RBM20: variants seen among roughly 807,000 people sequenced by gnomAD.
The protein encoded by RBM20 is RNA-binding protein 20.
In RBM20, 51 loss-of-function variants were observed where a neutral mutation model predicts 110.1. That is an observed-to-expected ratio of 0.46 (90% CI 0.37 to 0.59). The LOEUF (loss-of-function observed/expected upper bound fraction) is 0.59. Ranked by LOEUF, RBM20 falls within the 20% of genes least tolerant of loss-of-function variation. The probability of loss-of-function intolerance (pLI) is 0.00; values close to 1 mark genes in which losing one functional copy is unlikely to be tolerated. For missense variants in RBM20, 1,512 were observed against 1,574.9 expected (o/e 0.96, Z 0.68); for synonymous variants, 589 against 618.2 (o/e 0.95, Z 0.70).
At position 110,668,504 on chromosome 10, in the gene RBM20, G is replaced by A. The variant is rs561062904; in HGVS notation, c.191+23859G>A. On this transcript the variant is annotated intron_variant, in intron 1 of 13. Transcript: ENST00000369519. ...TAGAAGCAGCGACTTGGGTTGAAGG[G>A]GAGACACTGGATTATAGGGGAGACC... Among the ~76,000 whole-genome samples, 7 of 152,192 alleles carry A rather than the reference G, an allele frequency of 4.6e-5. No homozygotes were observed. The South Asian group carries it at 1.5e-3, about 32-fold the overall frequency.
intron 1 of RBM20, among the ~76,000 whole-genome samples, chr10:110,696,911 CAA>C (rs1405984469): frequency 6.6e-6 from 1 of 152,114 alleles, no homozygotes; most frequent in Non-Finnish European, 1.5e-5. Flanking sequence ...CCACACAGAC[CAA>C]AAGACTGGAG....
intron 1 of RBM20, among the ~76,000 whole-genome samples, chr10:110,669,314 G>T (rs1405348770): frequency 6.6e-6 from 1 of 152,128 alleles, no homozygotes; most frequent in Non-Finnish European, 1.5e-5. Flanking sequence ...AGGGGGGACA[G>T]GGTTGTCTTT....
intron 10 of RBM20, among the ~76,000 whole-genome samples, chr10:110,820,752 G>GCCT (rs1844897648): frequency 6.6e-6 from 1 of 152,234 alleles, no homozygotes; most frequent in South Asian, 2.1e-4. Context: ...CAGGGAAGCT[G>GCCT]ATCTCCTAAA....
intron 7 of RBM20, among the ~76,000 whole-genome samples, chr10:110,801,427 CAAAA>C (rs34583233): frequency 7.4e-6 from 1 of 134,792 alleles, no homozygotes; most frequent in Non-Finnish European, 1.6e-5. Flanking sequence ...AACTCCGTCT[CAAAA>C]AAAAAAAAAA....
chr10:110,734,618 C>CGTTTTTTTTTTTTTTT (rs34824300), intron 1 of RBM20, among the ~76,000 whole-genome samples: 6 of 136,532 alleles, frequency 4.4e-5, no homozygotes, highest in Non-Finnish European at 6.3e-5. Flanking sequence ...AAAATTCCCT[C>CGTTTTTTTTTTTTTTT]TTTTTTTTTT....
chr10:110,778,319 A>G (rs1301697226), intron 1 of RBM20, among the ~76,000 whole-genome samples: 3 of 152,258 alleles, frequency 2.0e-5, no homozygotes, highest in African/African-American at 7.2e-5. Flanking sequence ...CAAATGGGAA[A>G]GAATAACAAA....
At chr10:110,700,986 G>C (rs1862749189) in intron 1 of RBM20, among the ~76,000 whole-genome samples, 2 of 152,152 alleles carry the variant, frequency 1.3e-5, no homozygotes, top group Admixed American at 1.3e-4. Flanking sequence ...CTGCATTCCA[G>C]CCTGGGTGGC....
chr10:110,674,152 C>T (rs1289370350), intron 1 of RBM20, among the ~76,000 whole-genome samples: 1 of 152,108 alleles, frequency 6.6e-6, no homozygotes, highest in Non-Finnish European at 1.5e-5. Context: ...TAATATAAAA[C>T]TCATTTATGG....
rs796374212 is a variant in RBM20, at chr10:110,737,193, A to AAAAAAAAAC, written c.192-43604_192-43603insAAAACAAAA. 7.4e-3 allele frequency among the ~76,000 whole-genome samples: 858 copies of AAAAAAAAAC among 116,432 alleles called. 45 individuals are homozygous for AAAAAAAAAC. The highest frequency in any genetic ancestry group is 8.9e-3 in the Middle Eastern group (2 of 224). 76.4% of individuals were successfully genotyped at this position (116,432 alleles called of 152,430 possible). ...ACTCTGCCTCAAAAAAAAAAAAAAA[A>AAAAAAAAAC]AAAACACCCCACACACACACTCAAA... On this transcript the variant is annotated intron_variant, in intron 1 of 13. Transcript: ENST00000369519.
At chr10:110,709,373 T>C (rs74158127) in intron 1 of RBM20, among the ~76,000 whole-genome samples, 166 of 152,208 alleles carry the variant, frequency 1.1e-3, no homozygotes, top group African/African-American at 3.6e-3. Context: ...CTGGGAACAC[T>C]GGAGCAGACA....
intron 7 of RBM20, among the ~76,000 whole-genome samples, chr10:110,805,633 A>G (rs540841214): frequency 1.2e-4 from 19 of 152,356 alleles, no homozygotes; most frequent in African/African-American, 4.3e-4. Flanking sequence ...TGAGTTTCCC[A>G]TCGGCAATAA....
intron 1 of RBM20, among the ~76,000 whole-genome samples, chr10:110,676,590 A>G (rs1862343331): frequency 6.6e-6 from 1 of 152,232 alleles, no homozygotes; most frequent in African/African-American, 2.4e-5. Flanking sequence ...TTTCTTCTGT[A>G]TGACATTCTG....
chr10:110,745,749 C>T (rs530385907), intron 1 of RBM20, among the ~76,000 whole-genome samples: 2 of 152,012 alleles, frequency 1.3e-5, no homozygotes, highest in Non-Finnish European at 2.9e-5. Flanking sequence ...TGAATGAATG[C>T]GTGATAACAT....
chr10:110,644,480 A>G lies in RBM20; in HGVS notation c.26A>G (p.Gln9Arg). Residue 9 changes from glutamine (Q) to arginine (R), a missense_variant, in exon 1 of 14, where the codon CAG becomes CGG. Gln to Arg is a conservative substitution (Grantham distance 43). Coordinates refer to ENST00000369519, the MANE Select transcript of RBM20 (RefSeq NM_001134363.3). The surrounding 1 kb of genome is among the most constrained non-coding windows in gnomAD (Gnocchi z 4.3). ...ATGGTGCTGGCAGCAGCCATGAGCC[A>G]GGACGCGGACCCCAGCGGTCCGGAG... MVLAAAMSQDADPSGPEQP... is the reference protein window; with the variant it reads MVLAAAMSRDADPSGPEQP... 1.3e-6 allele frequency: 2 copies of G among 1,520,062 alleles called. No individual in the cohort carries two copies. The highest frequency in any genetic ancestry group is 2.6e-5 in the East Asian group (1 of 38,044). 94.2% of individuals were successfully genotyped at this position (1,520,062 alleles called of 1,614,324 possible). A position where few individuals can be genotyped will look rare whatever the true frequency, so the allele number is the denominator to read the frequency against.
At chr10:110,818,955 G>A (rs183461224) in intron 9 of RBM20, among the ~76,000 whole-genome samples, 1 of 152,356 alleles carries the variant, frequency 6.6e-6, no homozygotes, top group East Asian at 1.9e-4. Context: ...GGAAACAAAG[G>A]ACTTTAGGAT....
At chr10:110,669,860 TA>T (rs1564810667) in intron 1 of RBM20, among the ~76,000 whole-genome samples, 1 of 152,192 alleles carries the variant, frequency 6.6e-6, no homozygotes, top group African/African-American at 2.4e-5. Context: ...GACTAAAAGG[TA>T]CTCTACTGGC....
At chr10:110,724,422 G>A (rs1167069255) in intron 1 of RBM20, among the ~76,000 whole-genome samples, 1 of 152,224 alleles carries the variant, frequency 6.6e-6, no homozygotes, top group Non-Finnish European at 1.5e-5. Context: ...GAGGAAGTCT[G>A]AAGATGTTTC....
intron 9 of RBM20, among the ~76,000 whole-genome samples, chr10:110,818,650 G>GT (rs1278002851): frequency 7.9e-5 from 12 of 152,254 alleles, no homozygotes; most frequent in African/African-American, 2.4e-4. Context: ...GGTCTGCTTG[G>GT]TGGAGGGCTT....
intron 1 of RBM20, among the ~76,000 whole-genome samples, chr10:110,697,462 T>G (rs1862683074): frequency 6.6e-6 from 1 of 152,264 alleles, no homozygotes. Context: ...CTCTTCAGTG[T>G]GTATTGAGCA....
Sources: allele counts gnomAD v4.1 joint callset (sites outside exome capture counted in the v4.1 genomes callset), GRCh38; gene constraint gnomAD v4.1.1; non-coding constraint Gnocchi (gnomAD v3.1); transcripts MANE v1.5; gene names NCBI Gene and HGNC (gene_info 2026-07-23, HGNC 2026-07-21).